The following CWC22 variants were observed in gnomAD, a reference collection of about 807,000 sequenced individuals.
CWC22 encodes pre-mRNA-splicing factor CWC22 homolog.
CWC22 carries 53 observed loss-of-function variants against 117.2 expected under a neutral mutation model. The observed-to-expected ratio is 0.45, with a 90% confidence interval of 0.36 to 0.57. CWC22 has a LOEUF of 0.57. Ranked by LOEUF, CWC22 falls within the 20% of genes least tolerant of loss-of-function variation. CWC22 has a pLI of 0.00. For synonymous variants in CWC22, 360 were observed against 355.6 expected (o/e 1.01, Z -0.14); for missense variants, 980 against 1,068.8 (o/e 0.92, Z 1.16).
At chr2:180,000,722 G>A (rs1356995253) in intron 1 of CWC22, among the ~76,000 whole-genome samples, 1 of 152,058 alleles carries the variant, frequency 6.6e-6, no homozygotes, top group Non-Finnish European at 1.5e-5. Flanking sequence ...TCTGTAAGAA[G>A]TAAGTAATAT....
rs188067515 is a variant in CWC22 at position 179,960,715 on chromosome 2, T to C, written c.1398-1633A>G. 2.8e-3 allele frequency among the ~76,000 whole-genome samples: 425 copies of C among 152,056 alleles called. 5 individuals are homozygous for C. Among genetic ancestry groups the C allele is most frequent in the African/African-American group, 9.3e-3 (388 of 41,556 alleles). The stretch of plus-strand genomic sequence containing the variant: ...GCCACATCGTCCCAGAAGTAGAACT[T>C]GAACACAGGAATATTTACACTTTCT... On this transcript the variant is annotated intron_variant, in intron 13 of 19. Coordinates refer to ENST00000410053, the MANE Select transcript of CWC22 (RefSeq NM_020943.3).
intron 1 of CWC22, among the ~76,000 whole-genome samples, chr2:180,000,342 G>A (rs1013233229): frequency 6.6e-6 from 1 of 152,152 alleles, no homozygotes; most frequent in Non-Finnish European, 1.5e-5. Context: ...AAAATACAAA[G>A]ATTATTCTTA....
At chr2:179,972,183 A>G (rs1203476414) in intron 8 of CWC22, among the ~76,000 whole-genome samples, 2 of 152,204 alleles carry the variant, frequency 1.3e-5, no homozygotes, top group Non-Finnish European at 2.9e-5. Context: ...TTTCATGTAA[A>G]TAAGAATCAA....
chr2:179,971,490 C>G (rs1014684478), intron 8 of CWC22, among the ~76,000 whole-genome samples: 3 of 152,140 alleles, frequency 2.0e-5, no homozygotes, highest in Non-Finnish European at 4.4e-5. Context: ...TCCATGATCA[C>G]AATTCTTTAT....
At chr2:179,985,266 ACTCCT>A (rs1687390034) in intron 4 of CWC22, among the ~76,000 whole-genome samples, 1 of 151,912 alleles carries the variant, frequency 6.6e-6, no homozygotes, top group African/African-American at 2.4e-5. Context: ...CTGCATCACT[ACTCCT>A]CTCCTAAGCA....
chr2:179,945,735 G>T lies in CWC22; in HGVS notation c.2141-20C>A, dbSNP rs747515587. The T allele has an allele frequency of 3.7e-6, 5 of 1,368,156 alleles. No homozygotes were observed. Among genetic ancestry groups the T allele is most frequent in the Non-Finnish European group, 4.0e-6 (4 of 992,850 alleles). 84.8% of individuals were successfully genotyped at this position (1,368,156 alleles called of 1,614,324 possible). On this transcript the variant is annotated intron_variant, in intron 19 of 19. Coordinates refer to ENST00000410053, the MANE Select transcript of CWC22 (RefSeq NM_020943.3). ...CATTAGCTGCGTGTGTAAAATAAAA[G>T]ACAGTTAGCTTTTATTTCAATCTTA...
At chr2:180,004,047 C>G (rs1166325203) in intron 1 of CWC22, among the ~76,000 whole-genome samples, 4 of 152,056 alleles carry the variant, frequency 2.6e-5, no homozygotes, top group Non-Finnish European at 5.9e-5. Context: ...GTTCCACCAC[C>G]CTCCCATGCT....
chr2:179,972,889 G>C (rs1687067203), intron 8 of CWC22, among the ~76,000 whole-genome samples: 1 of 151,880 alleles, frequency 6.6e-6, no homozygotes, highest in Non-Finnish European at 1.5e-5. Flanking sequence ...GGTGCCCGTA[G>C]TCCCAGCTAC....
At position 179,973,769 on chromosome 2, in the gene CWC22, C is replaced by G. The variant is rs1575648691; in HGVS notation, c.615G>C (p.Gln205His). 3 of 1,609,008 alleles carry G rather than the reference C, an allele frequency of 1.9e-6. No homozygotes were observed. The highest frequency in any genetic ancestry group is 2.5e-6 in the Non-Finnish European group (3 of 1,177,318). The change falls in exon 7 of 20, where the codon CAG becomes CAC. Residue 205 changes from glutamine to histidine, a missense_variant. Transcript: ENST00000410053. Reference sequence around the variant, plus strand: ...CATGGGTGAAGATTGGAGAAGCACTCTGTGCTTGCAAAACAGACCTGGACA... The same window carrying G: ...CATGGGTGAAGATTGGAGAAGCACTGTGTGCTTGCAAAACAGACCTGGACA... ...GLLSRSVLQA[Q>H]SASPIFTHVY... is the part of the protein sequence containing the mutation.
chr2:179,952,140 T>A (rs908274497), intron 17 of CWC22, among the ~76,000 whole-genome samples: 1 of 152,094 alleles, frequency 6.6e-6, no homozygotes, highest in South Asian at 2.1e-4. Flanking sequence ...CTGATAATAT[T>A]AGTTATCATT....
In CWC22 at chr2:179,982,013, T is replaced by C; in HGVS notation, c.207-16A>G. ...GTCCCTGTTTCTGTAATATAAATTT[T>C]TTGAAGAGCAGAAAAGACAATATAA... On this transcript the variant is annotated splice_polypyrimidine_tract_variant and intron_variant, in intron 4 of 19. Transcript: ENST00000410053. The C allele has an allele frequency of 1.4e-6, 2 of 1,414,310 alleles. No homozygotes were observed. Among genetic ancestry groups the C allele is most frequent in the Non-Finnish European group, 1.9e-6 (2 of 1,028,520 alleles). The allele number at this position is 1,414,310 out of a possible 1,614,324, so 87.6% of individuals were successfully genotyped here.
At chr2:179,987,857 T>A (rs748923378) in intron 3 of CWC22, among the ~76,000 whole-genome samples, 2 of 152,200 alleles carry the variant, frequency 1.3e-5, no homozygotes, top group Admixed American at 6.5e-5. Flanking sequence ...GACCTTAACA[T>A]AGTTATAATA....
chr2:179,968,470 C>A (rs1686946481), intron 11 of CWC22, among the ~76,000 whole-genome samples: 1 of 151,674 alleles, frequency 6.6e-6, no homozygotes, highest in Non-Finnish European at 1.5e-5. Context: ...TCCCATTAGG[C>A]CAGACAGTAA....
chr2:179,957,958 G>A (rs1219224190), intron 14 of CWC22, among the ~76,000 whole-genome samples: 4 of 152,116 alleles, frequency 2.6e-5, no homozygotes, highest in Middle Eastern at 3.2e-3. Context: ...AAGACAGTGA[G>A]TCCCATGGAG....
chr2:179,983,098 T>C (rs1687326117), intron 4 of CWC22, among the ~76,000 whole-genome samples: 1 of 152,116 alleles, frequency 6.6e-6, no homozygotes, highest in African/African-American at 2.4e-5. Context: ...ATTTTTTTTG[T>C]TCATTTGTTT....
intron 2 of CWC22, among the ~76,000 whole-genome samples, chr2:179,991,139 A>G (rs1162027676): frequency 6.6e-6 from 1 of 152,216 alleles, no homozygotes; most frequent in African/African-American, 2.4e-5. Flanking sequence ...GTAGTAACTC[A>G]TAGTCTCCAA....
At chr2:179,980,535 A>T (rs970420156) in intron 5 of CWC22, among the ~76,000 whole-genome samples, 1 of 150,740 alleles carries the variant, frequency 6.6e-6, no homozygotes, top group Non-Finnish European at 1.5e-5. Context: ...CTTCTGCCTC[A>T]GCCTCCCGAG....
At chr2:179,991,736 G>A (rs1372307922) in intron 2 of CWC22, among the ~76,000 whole-genome samples, 1 of 152,178 alleles carries the variant, frequency 6.6e-6, no homozygotes, top group Non-Finnish European at 1.5e-5. Flanking sequence ...TACGTCTCCA[G>A]CTCCTAACCC....
At chr2:179,949,342 CAACTT>C (rs1686390330) in intron 19 of CWC22, among the ~76,000 whole-genome samples, 1 of 152,040 alleles carries the variant, frequency 6.6e-6, no homozygotes, top group African/African-American at 2.4e-5. Context: ...ACAGAGAAAA[CAACTT>C]AACTAAAAAA....
Sources: gnomAD v4.1 joint callset for allele counts (sites outside exome capture counted in the v4.1 genomes callset) on GRCh38, gnomAD v4.1.1 for gene constraint, MANE v1.5 for transcripts, NCBI Gene and HGNC (gene_info 2026-07-23, HGNC 2026-07-21) for gene names.